The following STPG1 variants were observed in gnomAD, a reference collection of about 807,000 sequenced individuals.
STPG1 encodes the protein sperm tail PG-rich repeat containing 1.
A neutral mutation model predicts 40.1 loss-of-function variants in STPG1; 33 were observed. That is an observed-to-expected ratio of 0.82 (90% CI 0.62 to 1.10). The LOEUF (loss-of-function observed/expected upper bound fraction) is 1.10, where lower values mean the gene tolerates loss of function less well. Ranked by LOEUF, STPG1 falls within the 50% of genes least tolerant of loss-of-function variation. STPG1 has a pLI of 0.00. For missense variants in STPG1, 396 were observed against 415.1 expected (o/e 0.95, Z 0.40); for synonymous variants, 150 against 155.0 (o/e 0.97, Z 0.24).
At position 24,387,137 on chromosome 1, in the gene STPG1, G is replaced by A. The variant is rs112014715; in HGVS notation, c.190-3134C>T. Among the ~76,000 whole-genome samples, 829 of 152,284 alleles carry A rather than the reference G, an allele frequency of 5.4e-3. 8 individuals carry two copies. Among genetic ancestry groups the A allele is most frequent in the African/African-American group, 0.017 (707 of 41,542 alleles). On this transcript the variant is annotated intron_variant, in intron 3 of 8. Coordinates refer to ENST00000337248, the MANE Select transcript of STPG1 (RefSeq NM_001199013.2). Reference sequence around the variant, plus strand: ...TTAGCAGCCTGTTGAAGTGCCCTGCGTGGGATGGGGGCAAAAATGCAATTT... The same window carrying A: ...TTAGCAGCCTGTTGAAGTGCCCTGCATGGGATGGGGGCAAAAATGCAATTT...
Position 24,391,567 on chromosome 1 carries a change from A to G in STPG1, c.183T>C (p.His61=). 2 of 1,524,428 alleles carry G rather than the reference A, an allele frequency of 1.3e-6. No homozygotes were observed. The highest frequency in any genetic ancestry group is 1.8e-6 in the Non-Finnish European group (2 of 1,123,832). The allele number at this position is 1,524,428 out of a possible 1,614,324, so 94.4% of individuals were successfully genotyped here. A position where few individuals can be genotyped will look rare whatever the true frequency, so the allele number is the denominator to read the frequency against. ...GFNSQAKRFP[H]KKNDIPGPGF... ...CCTGAGACAACGTCATTACCTTCTT[A>G]TGAGGAAATCTCTTGGCTTGACTAT... Residue 61 remains histidine (H), a synonymous_variant, in exon 3 of 9, where the codon CAT becomes CAC. Coordinates refer to ENST00000337248, the MANE Select transcript of STPG1 (RefSeq NM_001199013.2).
chr1:24,367,009 G>A (rs1641501292), intron 7 of STPG1, among the ~76,000 whole-genome samples: 1 of 152,212 alleles, frequency 6.6e-6, no homozygotes, highest in Non-Finnish European at 1.5e-5. Context: ...TATTTGTGAA[G>A]CATTGACAGA....
chr1:24,377,340 C>T (rs1324975549), intron 5 of STPG1, among the ~76,000 whole-genome samples: 1 of 152,160 alleles, frequency 6.6e-6, no homozygotes, highest in African/African-American at 2.4e-5. Context: ...TGTGAACTTC[C>T]TCCTGGGATC....
chr1:24,411,057 A>C (rs1221764195), intron 1 of STPG1, among the ~76,000 whole-genome samples: 18 of 152,310 alleles, frequency 1.2e-4, no homozygotes, highest in Non-Finnish European at 1.5e-5. Flanking sequence ...GAAGTGGTTA[A>C]CACTGCCTAT....
intron 5 of STPG1, among the ~76,000 whole-genome samples, chr1:24,376,088 T>C (rs1009297878): frequency 6.6e-6 from 1 of 152,222 alleles, no homozygotes; most frequent in East Asian, 1.9e-4. Context: ...TAGTGTGATC[T>C]TGGCTCACTG....
At position 24,369,674 on chromosome 1, in the gene STPG1, G is replaced by T; in HGVS notation, c.737C>A (p.Pro246Gln). 1 of 1,588,280 alleles carries T rather than the reference G, an allele frequency of 6.3e-7. No individual in the cohort carries two copies. Among genetic ancestry groups the T allele is most frequent in the Non-Finnish European group, 8.6e-7 (1 of 1,164,472 alleles). The change falls in exon 7 of 9, where the codon CCG becomes CAG. Residue 246 changes from proline (P) to glutamine (Q), a missense_variant and splice_region_variant. Transcript: ENST00000337248. ...AAAGACCAGAATGATTGGGACTCAC[G>T]GGAAAAGAGTCTTTTTTGGAACTTT... ...CTKVPKKTLF[P>Q]KNPILNFSAQ...
At chr1:24,371,729 C>T (rs1318247243) in intron 6 of STPG1, among the ~76,000 whole-genome samples, 1 of 152,088 alleles carries the variant, frequency 6.6e-6, no homozygotes, top group Non-Finnish European at 1.5e-5. Flanking sequence ...GTTATAGCAA[C>T]ACTTGAATTA....
intron 1 of STPG1, among the ~76,000 whole-genome samples, chr1:24,402,729 G>A (rs1643272307): frequency 1.4e-5 from 2 of 143,834 alleles, no homozygotes; most frequent in African/African-American, 2.6e-5. Context: ...ATGGACAACA[G>A]AGCAACAGCC....
chr1:24,392,170 G>GT (rs2148705883), intron 2 of STPG1: 1 of 692,356 alleles, frequency 1.4e-6, no homozygotes, highest in Non-Finnish European at 1.8e-6. Flanking sequence ...CAAGACAGGT[G>GT]TAAGTTTTCG....
chr1:24,406,690 T>C (rs1349452479), intron 1 of STPG1, among the ~76,000 whole-genome samples: 3 of 152,188 alleles, frequency 2.0e-5, no homozygotes, highest in Non-Finnish European at 2.9e-5. Context: ...CAAGAACTTT[T>C]ATATTACTCC....
At position 24,413,700 on chromosome 1, in the gene STPG1, G is replaced by C. The variant is rs1286152583; in HGVS notation, c.-95C>G. 1.3e-5 allele frequency: 2 copies of C among 152,290 alleles called. No individual in the cohort carries two copies. The highest frequency in any genetic ancestry group is 2.9e-5 in the Non-Finnish European group (2 of 68,110). The allele number at this position is 152,290 out of a possible 1,614,324, so 9.4% of individuals were successfully genotyped here. A position where few individuals can be genotyped will look rare whatever the true frequency, so the allele number is the denominator to read the frequency against. On this transcript the variant is annotated 5_prime_UTR_variant, in exon 1 of 9. Coordinates refer to ENST00000337248, the MANE Select transcript of STPG1 (RefSeq NM_001199013.2). Reference sequence around the variant, plus strand: ...TGGTCCGGTCCCGGCAGCTGAATCTGGCCAGCCCAACCTCCCGGTCGCTAT... The same window carrying C: ...TGGTCCGGTCCCGGCAGCTGAATCTCGCCAGCCCAACCTCCCGGTCGCTAT...
At chr1:24,365,641 A>G (rs928695034) in intron 7 of STPG1, among the ~76,000 whole-genome samples, 2 of 152,226 alleles carry the variant, frequency 1.3e-5, no homozygotes, top group Non-Finnish European at 2.9e-5. Flanking sequence ...CTGCGGGGCC[A>G]CACTAGAAAC....
intron 5 of STPG1, among the ~76,000 whole-genome samples, chr1:24,377,888 C>A (rs1053269963): frequency 6.6e-6 from 1 of 152,192 alleles, no homozygotes; most frequent in Non-Finnish European, 1.5e-5. Context: ...CCTCTCTGAG[C>A]CTTAGCTTTC....
At chr1:24,361,795 C>T (rs1557429149) in intron 7 of STPG1, among the ~76,000 whole-genome samples, 2 of 152,184 alleles carry the variant, frequency 1.3e-5, no homozygotes, top group African/African-American at 2.4e-5. Context: ...CGGACCTGTA[C>T]TTGAGTCCTA....
intron 2 of STPG1, among the ~76,000 whole-genome samples, chr1:24,395,155 G>A (rs533857346): frequency 7.9e-5 from 12 of 151,562 alleles, no homozygotes; most frequent in Middle Eastern, 3.4e-3. Flanking sequence ...ACACCTTTAA[G>A]GCAATAAAAG....
chr1:24,394,992 C>T (rs1642933985), intron 2 of STPG1, among the ~76,000 whole-genome samples: 2 of 151,738 alleles, frequency 1.3e-5, no homozygotes, highest in South Asian at 2.1e-4. Context: ...ACATCAAATA[C>T]AAGAAACATG....
intron 1 of STPG1, among the ~76,000 whole-genome samples, chr1:24,409,428 T>C (rs533457534): frequency 4.6e-5 from 7 of 152,336 alleles, no homozygotes; most frequent in African/African-American, 1.4e-4. Context: ...GTAAGAACCA[T>C]CTACTGCCCT....
intron 5 of STPG1, among the ~76,000 whole-genome samples, chr1:24,375,829 C>A (rs1327545084): frequency 1.3e-5 from 2 of 152,082 alleles, no homozygotes; most frequent in Non-Finnish European, 2.9e-5. Flanking sequence ...TTTGTATACG[C>A]TGAGTGTGTG....
intron 7 of STPG1, among the ~76,000 whole-genome samples, chr1:24,362,764 G>C (rs1265736992): frequency 6.6e-6 from 1 of 152,340 alleles, no homozygotes; most frequent in African/African-American, 2.4e-5. Context: ...GACACTGAAA[G>C]CCATCATAAA....
Sources: gnomAD v4.1 joint callset for allele counts (sites outside exome capture counted in the v4.1 genomes callset) on GRCh38, gnomAD v4.1.1 for gene constraint, MANE v1.5 for transcripts, NCBI Gene and HGNC (gene_info 2026-07-23, HGNC 2026-07-21) for gene names.